Variants in ADAMTSL1 observed in about 807,000 individuals in gnomAD.
ADAMTSL1 encodes the protein ADAMTS like 1.
A neutral mutation model predicts 201.8 loss-of-function variants in ADAMTSL1; 126 were observed. The observed-to-expected ratio is 0.62, with a 90% CI of 0.54 to 0.72. ADAMTSL1 has a LOEUF of 0.72. Among genes scored for constraint, ADAMTSL1 ranks in the 30% least tolerant of loss-of-function variants. The pLI is 0.00. For missense variants in ADAMTSL1, 2,679 were observed against 2,277.8 expected, an observed-to-expected ratio of 1.18 and a Z score of -3.59; for synonymous variants, 1,121 against 903.4, an observed-to-expected ratio of 1.24 and a Z score of -4.32.
At chr9:18,072,048 C>T (rs1446361818) in intron 1 of ADAMTSL1, among the ~76,000 whole-genome samples, 1 of 152,124 alleles carries the variant, frequency 6.6e-6, no homozygotes, top group Non-Finnish European at 1.5e-5. Flanking sequence ...ACTGTTAGAA[C>T]AAGAACATTG....
At chr9:18,139,890 C>T (rs181300093) in intron 1 of ADAMTSL1, among the ~76,000 whole-genome samples, 21 of 152,068 alleles carry the variant, frequency 1.4e-4, no homozygotes, top group African/African-American at 4.6e-4. Flanking sequence ...AGCCAGTCAC[C>T]AAAGCTCATA....
chr9:18,217,443 C>T (rs890061265), intron 2 of ADAMTSL1, among the ~76,000 whole-genome samples: 11 of 152,134 alleles, frequency 7.2e-5, no homozygotes, highest in Admixed American at 5.9e-4. Context: ...CCCTTTCCTC[C>T]TCTGTCTGTC....
chr9:18,908,077 GAAAAGGCAGGT>G, intron 28 of ADAMTSL1: 1 of 277,116 alleles, frequency 3.6e-6, no homozygotes, highest in Admixed American at 4.9e-5. Flanking sequence ...AAACCCACGG[GAAAAGGCAGGT>G]TTGCCTAGGG....
intron 2 of ADAMTSL1, among the ~76,000 whole-genome samples, chr9:18,301,415 C>G (rs975182224): frequency 6.6e-6 from 1 of 152,076 alleles, no homozygotes; most frequent in Non-Finnish European, 1.5e-5. Context: ...GTTCCATGAC[C>G]CCCAGTGGAT....
At chr9:18,775,441 ACTAGTGAAATACTGAG>A (rs1233460053) in intron 17 of ADAMTSL1, among the ~76,000 whole-genome samples, 1 of 152,202 alleles carries the variant, frequency 6.6e-6, no homozygotes, top group Non-Finnish European at 1.5e-5. Context: ...TAACTTGCCA[ACTAGTGAAATACTGAG>A]CTGGGATTTA....
At chr9:18,486,709 A>T (rs1460030731) in intron 1 of ADAMTSL1, among the ~76,000 whole-genome samples, 1 of 152,204 alleles carries the variant, frequency 6.6e-6, no homozygotes, top group Non-Finnish European at 1.5e-5. Context: ...TTGTCTCAAA[A>T]AAAAGCGGAG....
intron 1 of ADAMTSL1, among the ~76,000 whole-genome samples, chr9:18,056,156 CT>C (rs5896768): frequency 6.8e-4 from 99 of 144,912 alleles, no homozygotes; most frequent in East Asian, 1.0e-3. Context: ...TCAGCAAAAG[CT>C]TTTTTTTTTT....
At chr9:18,526,154 A>C (rs1819031236) in intron 2 of ADAMTSL1, among the ~76,000 whole-genome samples, 1 of 152,200 alleles carries the variant, frequency 6.6e-6, no homozygotes, top group Non-Finnish European at 1.5e-5. Flanking sequence ...TATTTAGGAT[A>C]GTTAGCTGCT....
At chr9:18,258,285 G>C (rs760367806) in intron 2 of ADAMTSL1, among the ~76,000 whole-genome samples, 24 of 152,140 alleles carry the variant, frequency 1.6e-4, no homozygotes, top group Non-Finnish European at 2.9e-4. Flanking sequence ...GCAAGAAAAA[G>C]ATCAATGAAA....
Position 18,622,491 on chromosome 9 carries a change from T to G in ADAMTSL1, c.601+122T>G. Reference sequence around the variant, plus strand: ...ACCAAAACGATAATGAACCTGAAAATGTAGAAGGCTTCATGCTCTGGCATG... The same window carrying G: ...ACCAAAACGATAATGAACCTGAAAAGGTAGAAGGCTTCATGCTCTGGCATG... On this transcript the variant is annotated intron_variant, in intron 5 of 28. Transcript: ENST00000380548. 4.2e-6 allele frequency: 6 copies of G among 1,418,556 alleles called. No homozygotes were observed. In the South Asian group the frequency reaches 5.3e-5, roughly 12 times the overall value. The allele number at this position is 1,418,556 out of a possible 1,614,324, so 87.9% of individuals were successfully genotyped here.
intron 1 of ADAMTSL1, among the ~76,000 whole-genome samples, chr9:17,943,771 C>T (rs747784476): frequency 4.6e-5 from 7 of 151,876 alleles, no homozygotes; most frequent in Non-Finnish European, 5.9e-5. Flanking sequence ...ATACCTGAGA[C>T]TGGGTAATTT....
At chr9:18,348,319 C>G (rs1454768881) in intron 2 of ADAMTSL1, among the ~76,000 whole-genome samples, 1 of 152,090 alleles carries the variant, frequency 6.6e-6, no homozygotes, top group Admixed American at 6.6e-5. Flanking sequence ...CAGAATCAGC[C>G]ACATTTGCAC....
At chr9:17,959,041 A>G (rs1170668111) in intron 1 of ADAMTSL1, among the ~76,000 whole-genome samples, 1 of 152,200 alleles carries the variant, frequency 6.6e-6, no homozygotes, top group Non-Finnish European at 1.5e-5. Context: ...TGGGAATAGT[A>G]ATTTAATATA....
chr9:18,720,746 A>G (rs533881038), intron 14 of ADAMTSL1, among the ~76,000 whole-genome samples: 2 of 152,240 alleles, frequency 1.3e-5, no homozygotes, highest in South Asian at 2.1e-4. Context: ...TCGTGCCACT[A>G]CACTCCAGCC....
At chr9:18,745,847 G>A (rs1029553961) in intron 15 of ADAMTSL1, among the ~76,000 whole-genome samples, 4 of 152,176 alleles carry the variant, frequency 2.6e-5, no homozygotes, top group African/African-American at 7.2e-5. Context: ...TATTTTTTAT[G>A]TATTTATGTG....
At chr9:18,682,778 A>G (rs942630879) in intron 12 of ADAMTSL1, among the ~76,000 whole-genome samples, 4 of 152,168 alleles carry the variant, frequency 2.6e-5, no homozygotes, top group Admixed American at 6.5e-5. Context: ...TCTTTATTAT[A>G]CTATAGGTGG....
At chr9:18,301,020 A>G (rs912932742) in intron 2 of ADAMTSL1, among the ~76,000 whole-genome samples, 4 of 152,208 alleles carry the variant, frequency 2.6e-5, no homozygotes, top group African/African-American at 9.7e-5. Context: ...AGTTAAGAAA[A>G]ATGTAATTGA....
chr9:18,064,954 A>AT (rs563021690), intron 1 of ADAMTSL1, among the ~76,000 whole-genome samples: 1,936 of 68,868 alleles, frequency 0.028, 136 homozygotes, highest in East Asian at 0.037. Flanking sequence ...TTTGCTAAAG[A>AT]TTTTTTTTTT....
chr9:18,652,696 T>C (rs546759924), intron 7 of ADAMTSL1, among the ~76,000 whole-genome samples: 2 of 152,340 alleles, frequency 1.3e-5, no homozygotes, highest in East Asian at 3.9e-4. Context: ...CTGGGATGTT[T>C]GGTAAGTGAG....
Sources: gnomAD v4.1 joint callset for allele counts (sites outside exome capture counted in the v4.1 genomes callset) on GRCh38, gnomAD v4.1.1 for gene constraint, MANE v1.5 for transcripts, NCBI Gene and HGNC (gene_info 2026-07-23, HGNC 2026-07-21) for gene names.